DEAF1: variants seen among roughly 807,000 people sequenced by gnomAD.
The protein encoded by DEAF1 is DEAF1 transcription factor, also known as deformed epidermal autoregulatory factor 1 homolog.
A neutral mutation model predicts 58.9 loss-of-function variants in DEAF1; 53 were observed. That is an observed-to-expected ratio of 0.90 (90% CI 0.72 to 1.13). The LOEUF is 1.13. DEAF1 is among the 50% of genes most tolerant of loss of function. The pLI is 0.00. For synonymous variants in DEAF1, 385 were observed against 340.4 expected (o/e 1.13, Z -1.44); for missense variants, 685 against 791.4 (o/e 0.87, Z 1.61).
chr11:650,022 AAAAAACAAAAACAAAAAC>A (rs150492580), intron 11 of DEAF1, among the ~76,000 whole-genome samples: 51 of 150,514 alleles, frequency 3.4e-4, no homozygotes, highest in Admixed American at 2.4e-3. Context: ...GAGATTGTCT[AAAAAACAAAAACAAAAAC>A]AAAAACAAAA....
chr11:700,536 A>G, intron 1 of DEAF1: 1 of 1,228,134 alleles, frequency 8.1e-7, no homozygotes. Context: ...CAAAAAAAAA[A>G]AAAAGGAAAA....
chr11:678,377 T>A, intron 9 of DEAF1: 1 of 374,528 alleles, frequency 2.7e-6, no homozygotes, highest in Non-Finnish European at 5.1e-6. Context: ...CTGGGGAGTG[T>A]CTACCCTCAA....
chr11:670,764 TCTTTTTGTTTTTG>T (rs1480277184), intron 10 of DEAF1, among the ~76,000 whole-genome samples: 2 of 81,718 alleles, frequency 2.4e-5, no homozygotes, highest in African/African-American at 4.7e-5. Context: ...ATTTCTTTTT[TCTTTTTGTTTTTG>T]TTTTTTTTTT....
Position 677,083 on chromosome 11 carries a change from G to A in DEAF1, c.1255+1611C>T, listed in dbSNP as rs1223156294. ...GAAAAAGCTCTGATTTCAAGCATTT[G>A]CTGATTTCTTGGTATAAATACTTCA... On this transcript the variant is annotated intron_variant, in intron 9 of 11. Transcript: ENST00000382409. 3.3e-5 allele frequency among the ~76,000 whole-genome samples: 5 copies of A among 152,070 alleles called. No homozygotes were observed. The East Asian group carries it at 7.7e-4, about 23-fold the overall frequency.
intron 10 of DEAF1, among the ~76,000 whole-genome samples, chr11:661,553 T>C (rs1299021865): frequency 6.6e-6 from 1 of 151,584 alleles, no homozygotes; most frequent in African/African-American, 2.4e-5. Context: ...CTACTAAAAA[T>C]ACAAAAATTA....
In DEAF1 at chr11:659,096, G is replaced by C. The variant is rs537708633; in HGVS notation, c.1504-5045C>G. Among the ~76,000 whole-genome samples, 16 of 152,106 alleles carry C rather than the reference G, an allele frequency of 1.1e-4. No homozygotes were observed. In the South Asian group the frequency reaches 3.1e-3, roughly 30 times the overall value. ...CTGCAAATAAAACTAAGTCTAACTT[G>C]AAAACCTAGATACTGGCCAGGCATG... On this transcript the variant is annotated intron_variant, in intron 10 of 11. Transcript: ENST00000382409.
intron 9 of DEAF1, 60 bp downstream of exon 9, chr11:678,634 T>C: frequency 6.2e-7 from 1 of 1,611,174 alleles, no homozygotes; most frequent in Non-Finnish European, 8.5e-7. Flanking sequence ...TAGGAATTCT[T>C]TCATTGGAAG....
At chr11:681,846 G>A (rs1469658148) in intron 6 of DEAF1, among the ~76,000 whole-genome samples, 1 of 152,144 alleles carries the variant, frequency 6.6e-6, no homozygotes, top group Non-Finnish European at 1.5e-5. Context: ...CCATTTTAAA[G>A]CTTTTTCCTG....
intron 9 of DEAF1, among the ~76,000 whole-genome samples, chr11:675,077 C>T (rs1432044032): frequency 2.0e-5 from 3 of 151,976 alleles, no homozygotes; most frequent in Non-Finnish European, 4.4e-5. Context: ...CCAGCTACCT[C>T]GGGAGGCTGA....
In DEAF1 at chr11:695,215, C is replaced by CCGAGT; in HGVS notation, c.-173_-169dup. The CCGAGT allele has an allele frequency of 1.7e-6, 1 of 584,908 alleles. No individual in the cohort carries two copies. The highest frequency in any genetic ancestry group is 3.4e-5 in the South Asian group (1 of 29,096). The allele number at this position is 584,908 out of a possible 1,614,324, so 36.2% of individuals were successfully genotyped here. A position where few individuals can be genotyped will look rare whatever the true frequency, so the allele number is the denominator to read the frequency against. ...CAGCCAGCCGCCGAGCAGAGCCGAG[C>CCGAGT]CGAGTCCGCCCGCGGAGCGGAGCCG... On this transcript the variant is annotated 5_prime_UTR_variant, in exon 1 of 12. Coordinates refer to ENST00000382409, the MANE Select transcript of DEAF1 (RefSeq NM_021008.4).
At chr11:690,667 A>AC in intron 2 of DEAF1, among the ~76,000 whole-genome samples, 1 of 152,024 alleles carries the variant, frequency 6.6e-6, no homozygotes, top group African/African-American at 2.4e-5. Flanking sequence ...AATGGCTTGA[A>AC]CCCAGGAGGC....
chr11:659,397 GATAAAAAATA>G (rs1859211629), intron 10 of DEAF1, among the ~76,000 whole-genome samples: 1 of 152,064 alleles, frequency 6.6e-6, no homozygotes, highest in Non-Finnish European at 1.5e-5. Flanking sequence ...TGTCTCAAAT[GATAAAAAATA>G]ATAATAAAAA....
In DEAF1 at chr11:703,069, G is replaced by A. The variant is rs1448517671; in HGVS notation, c.-438+3503C>T. ...AGGCCCTAGTGTTGTGGGCGGACTGGGCCCTCAGCGCCACGCTCCTGGCCC... is the reference window on the plus strand; with the variant it reads ...AGGCCCTAGTGTTGTGGGCGGACTGAGCCCTCAGCGCCACGCTCCTGGCCC... On this transcript the variant is annotated intron_variant, in intron 1 of 11. Transcript: ENST00000683307. The A allele has an allele frequency of 1.9e-6, 3 of 1,612,590 alleles. No homozygotes were observed. The Admixed American group carries it at 5.0e-5, about 27-fold the overall frequency.
intron 1 of DEAF1, among the ~76,000 whole-genome samples, chr11:694,271 G>C (rs1860984818): frequency 6.6e-6 from 1 of 151,240 alleles, no homozygotes; most frequent in Middle Eastern, 3.4e-3. Flanking sequence ...GGTGAGGCTA[G>C]GCAGGTCACC....
intron 6 of DEAF1, among the ~76,000 whole-genome samples, chr11:683,775 T>C (rs184798469): frequency 8.5e-5 from 13 of 152,308 alleles, no homozygotes; most frequent in Admixed American, 8.5e-4. Flanking sequence ...TTTGACGTAT[T>C]TCAATCTTCC....
chr11:664,430 G>A (rs1859449905), intron 10 of DEAF1, among the ~76,000 whole-genome samples: 2 of 151,550 alleles, frequency 1.3e-5, no homozygotes, highest in Admixed American at 6.6e-5. Context: ...CACACCGAGA[G>A]GAGGAGGACA....
chr11:704,159 C>A, intron 1 of DEAF1: 1 of 1,100,290 alleles, frequency 9.1e-7, no homozygotes, highest in Non-Finnish European at 1.1e-6. Context: ...CTCCCCCACC[C>A]CATCTCCAGT....
In DEAF1 at chr11:658,436, AAAAC is replaced by A. The variant is rs552053042; in HGVS notation, c.1504-4389_1504-4386del. Among the ~76,000 whole-genome samples the A allele has an allele frequency of 3.0e-3, 452 of 152,350 alleles. 1 individual carries two copies. Among genetic ancestry groups the A allele is most frequent in the African/African-American group, 0.01 (431 of 41,576 alleles). ...AGAGCTAGACTCTGTCTCAAAAACA[AAAAC>A]AAAAAACCATTCATTACTGCGGAAG... On this transcript the variant is annotated intron_variant, in intron 10 of 11. Coordinates refer to ENST00000382409, the MANE Select transcript of DEAF1 (RefSeq NM_021008.4).
rs760537084 is a variant in DEAF1 at position 678,703 on chromosome 11, G to T, written c.1246C>A (p.Pro416Thr). 18 of 1,614,008 alleles carry T rather than the reference G, an allele frequency of 1.1e-5. No individual in the cohort carries two copies. Among genetic ancestry groups the T allele is most frequent in the Admixed American group, 1.7e-5 (1 of 60,004 alleles). Reference protein sequence around the residue: ...FPEAALPTSHPKIVLTSLPAL... With the variant: ...FPEAALPTSHTKIVLTSLPAL... ...ATTCTTTCAAACCTACCTATTTTGG[G>T]ATGTGACGTTGGCAACGCAGCTTCT... Residue 416 changes from proline to threonine, a missense_variant, in exon 9 of 12, where the codon CCC (proline) becomes ACC (threonine). By Grantham distance (38) the Pro-to-Thr change is conservative. Transcript: ENST00000382409.
Sources: allele counts gnomAD v4.1 joint callset (sites outside exome capture counted in the v4.1 genomes callset), GRCh38; gene constraint gnomAD v4.1.1; transcripts MANE v1.5; gene names NCBI Gene and HGNC (gene_info 2026-07-23, HGNC 2026-07-21).